Variants in FBXL20 observed in about 807,000 individuals in gnomAD.
FBXL20 encodes the protein F-box/LRR-repeat protein 20.
In FBXL20, 11 loss-of-function variants were observed where a neutral mutation model predicts 64.0. That is an observed-to-expected ratio of 0.17 (90% CI 0.11 to 0.28). FBXL20 has a LOEUF of 0.28. Among genes scored for constraint, FBXL20 ranks in the 10% least tolerant of loss-of-function variants. The pLI is 1.00. For missense variants in FBXL20, 303 were observed against 526.2 expected, an observed-to-expected ratio of 0.58 and a Z score of 4.15; for synonymous variants, 184 against 189.0, an observed-to-expected ratio of 0.97 and a Z score of 0.22.
intron 1 of FBXL20, among the ~76,000 whole-genome samples, chr17:39,398,263 G>C (rs1223056590): frequency 6.6e-6 from 1 of 152,118 alleles, no homozygotes; most frequent in Non-Finnish European, 1.5e-5. Flanking sequence ...CTGGGGACAA[G>C]GGCAAGATTT....
chr17:39,262,477 C>T (rs1302601484), intron 14 of FBXL20, among the ~76,000 whole-genome samples: 1 of 151,930 alleles, frequency 6.6e-6, no homozygotes, highest in Non-Finnish European at 1.5e-5. Context: ...GATGGCATTT[C>T]GTCATGTTGA....
At chr17:39,370,143 A>T (rs550333960) in intron 1 of FBXL20, among the ~76,000 whole-genome samples, 1 of 152,188 alleles carries the variant, frequency 6.6e-6, no homozygotes, top group Non-Finnish European at 1.5e-5. Flanking sequence ...TGGAATTAAT[A>T]CATCTTAAAA....
rs1272348431 is a variant in FBXL20, at chr17:39,334,967, TTGTA to T, written c.104+8209_104+8212del. On this transcript the variant is annotated intron_variant, in intron 2 of 14. Coordinates refer to ENST00000264658, the MANE Select transcript of FBXL20 (RefSeq NM_032875.3). Reference sequence around the variant, plus strand: ...AAAGAATGTGTAAGCAAAAACTCAGTTGTATGTAAGAAAACCCAATTCCCCCTGA... The same window carrying T: ...AAAGAATGTGTAAGCAAAAACTCAGTTGTAAGAAAACCCAATTCCCCCTGA... Among the ~76,000 whole-genome samples the T allele has an allele frequency of 3.3e-5, 5 of 152,080 alleles. No homozygotes were observed. The East Asian group carries it at 9.6e-4, about 29-fold the overall frequency.
chr17:39,338,607 T>C (rs2047552263), intron 2 of FBXL20, among the ~76,000 whole-genome samples: 1 of 152,130 alleles, frequency 6.6e-6, no homozygotes, highest in Non-Finnish European at 1.5e-5. Flanking sequence ...CTAGCCAAAA[T>C]AAATTTATTA....
chr17:39,325,170 T>C (rs1368393733), intron 2 of FBXL20, among the ~76,000 whole-genome samples: 1 of 152,160 alleles, frequency 6.6e-6, no homozygotes, highest in Non-Finnish European at 1.5e-5. Flanking sequence ...ATTGTGCCAC[T>C]GCAGTCCAGC....
At chr17:39,295,582 T>C (rs1426073494) in intron 6 of FBXL20, among the ~76,000 whole-genome samples, 1 of 152,102 alleles carries the variant, frequency 6.6e-6, no homozygotes, top group African/African-American at 2.4e-5. Context: ...TTTGTAGGGA[T>C]TGCTTTCATT....
At chr17:39,265,992 C>T (rs1001254385) in intron 12 of FBXL20, among the ~76,000 whole-genome samples, 1 of 152,022 alleles carries the variant, frequency 6.6e-6, no homozygotes, top group Non-Finnish European at 1.5e-5. Flanking sequence ...AGCAATCCTC[C>T]TGCCTCGCCT....
At chr17:39,401,993 G>C, upstream of FBXL20, 2 of 518,076 alleles carry the variant, frequency 3.9e-6, no homozygotes, top group Non-Finnish European at 5.9e-6. Context: ...ACTCTGCGCG[G>C]GGGCCCCTCT....
chr17:39,277,452 T>C (rs934274780), intron 9 of FBXL20, among the ~76,000 whole-genome samples: 7 of 152,172 alleles, frequency 4.6e-5, no homozygotes, highest in South Asian at 2.1e-4. Flanking sequence ...TAAGTCATAC[T>C]GTCAGTACTT....
At chr17:39,337,184 C>T (rs1372701207) in intron 2 of FBXL20, among the ~76,000 whole-genome samples, 2 of 152,218 alleles carry the variant, frequency 1.3e-5, no homozygotes, top group African/African-American at 4.8e-5. Context: ...GACGGGGTTT[C>T]GCTGTGTTGG....
intron 2 of FBXL20, among the ~76,000 whole-genome samples, chr17:39,327,592 T>C (rs2047420399): frequency 6.6e-6 from 1 of 152,162 alleles, no homozygotes; most frequent in Non-Finnish European, 1.5e-5. Context: ...GATATAAAAT[T>C]ACATAAGATG....
intron 10 of FBXL20, among the ~76,000 whole-genome samples, chr17:39,272,896 A>T (rs923419878): frequency 3.3e-5 from 5 of 152,096 alleles, no homozygotes; most frequent in Admixed American, 6.6e-5. Flanking sequence ...CTACAGTCGA[A>T]AAGGATAAAG....
intron 10 of FBXL20, 134 bp downstream of exon 10, chr17:39,274,836 A>G: frequency 9.2e-7 from 1 of 1,085,474 alleles, no homozygotes; most frequent in Non-Finnish European, 1.3e-6. Context: ...GTAGGTGGGC[A>G]TCTAAAAGGG....
At chr17:39,379,780 CAAAT>C (rs552913510) in intron 1 of FBXL20, among the ~76,000 whole-genome samples, 20 of 151,894 alleles carry the variant, frequency 1.3e-4, no homozygotes, top group Non-Finnish European at 1.3e-4. Context: ...GATCCTGTCT[CAAAT>C]AAATAAAATA....
intron 2 of FBXL20, among the ~76,000 whole-genome samples, chr17:39,329,493 T>C (rs1047762403): frequency 6.6e-6 from 1 of 152,170 alleles, no homozygotes; most frequent in Non-Finnish European, 1.5e-5. Context: ...AAAATATTAA[T>C]AACTAGAACA....
chr17:39,365,095 A>T (rs144183445), intron 1 of FBXL20, among the ~76,000 whole-genome samples: 4 of 152,364 alleles, frequency 2.6e-5, no homozygotes, highest in East Asian at 1.9e-4. Context: ...ATACAGGTCA[A>T]ATCTTTTGGT....
rs1292652215 is a variant in FBXL20 at position 39,253,204 on chromosome 17, G to C, written c.*8256C>G. The C allele has an allele frequency of 6.6e-6, 1 of 152,452 alleles. No homozygotes were observed. Among genetic ancestry groups the C allele is most frequent in the African/African-American group, 2.4e-5 (1 of 41,430 alleles). The allele number at this position is 152,452 out of a possible 1,614,324, so 9.4% of individuals were successfully genotyped here. On this transcript the variant is annotated 3_prime_UTR_variant, in exon 15 of 15. Transcript: ENST00000264658. ...CAGCACCATTTACCCATCCATCTCTGTCCCTGAGCAGAGTCTGACAGGCAT... is the reference window on the plus strand; with the variant it reads ...CAGCACCATTTACCCATCCATCTCTCTCCCTGAGCAGAGTCTGACAGGCAT...
intron 2 of FBXL20, among the ~76,000 whole-genome samples, chr17:39,336,133 A>C: frequency 2.0e-5 from 3 of 148,268 alleles, no homozygotes; most frequent in East Asian, 2.1e-4. Flanking sequence ...GGGGAGGGGA[A>C]GGGAGGGGGA....
chr17:39,324,569 C>T (rs62074998), intron 2 of FBXL20, among the ~76,000 whole-genome samples: 1 of 152,180 alleles, frequency 6.6e-6, no homozygotes. Flanking sequence ...CAGGCGTGAG[C>T]AATGGCGCCT....
Sources: allele counts gnomAD v4.1 joint callset (sites outside exome capture counted in the v4.1 genomes callset), GRCh38; gene constraint gnomAD v4.1.1; transcripts MANE v1.5; gene names NCBI Gene and HGNC (gene_info 2026-07-23, HGNC 2026-07-21).